The following ZIK1 variants were observed in gnomAD, a reference collection of about 807,000 sequenced individuals.
ZIK1 encodes the protein zinc finger protein interacting with K protein 1, also known as zinc finger protein interacting with ribonucleoprotein K.
Under a neutral mutation model 10.7 loss-of-function variants are expected in ZIK1, and 12 were observed. The ratio of observed to expected loss-of-function variants is 1.12; its 90% CI spans 0.72 to 1.81. ZIK1 has a LOEUF of 1.81. Ranked by LOEUF, ZIK1 falls within the 40% of genes most tolerant of loss-of-function variation. ZIK1 has a pLI of 0.00. For missense variants in ZIK1, 497 were observed against 585.7 expected (o/e 0.85, Z 1.56); for synonymous variants, 190 against 205.0 (o/e 0.93, Z 0.63).
intron 3 of ZIK1, chr19:57,589,333 T>C: frequency 1.0e-6 from 1 of 985,400 alleles, no homozygotes; most frequent in African/African-American, 1.7e-5. Context: ...TCCGATCACA[T>C]AAGGAGCCTG....
chr19:57,584,467 A>C, intron 1 of ZIK1, 78 bp downstream of exon 1: 1 of 1,545,372 alleles, frequency 6.5e-7, no homozygotes, highest in Admixed American at 1.9e-5. Context: ...CGAGATCCTC[A>C]TGTCCAGTAC....
intron 1 of ZIK1, 96 bp downstream of exon 1, chr19:57,584,485 G>A: frequency 3.4e-6 from 5 of 1,469,060 alleles, no homozygotes; most frequent in Non-Finnish European, 4.5e-6. Context: ...TACAGTGGGG[G>A]CTCGTGGGTG....
Position 57,591,256 on chromosome 19 carries a change from A to T in ZIK1, c.1445A>T (p.Gln482Leu). ...CAATGCTCCAGCCTCATACATCACCAAAAATGTCATAACACATAGAGGCCT... is the reference window on the plus strand; with the variant it reads ...CAATGCTCCAGCCTCATACATCACCTAAAATGTCATAACACATAGAGGCCT... ...FSQCSSLIHHQKCHNT is the reference protein window; with the variant it reads ...FSQCSSLIHHLKCHNT Residue 482 changes from glutamine to leucine, a missense_variant, in exon 4 of 4, where the codon CAA (glutamine) becomes CTA (leucine). Physicochemically the swap from Gln to Leu is moderately radical, Grantham distance 113 (BLOSUM62 -2). Transcript: ENST00000597850. 6.2e-7 allele frequency: 1 copy of T among 1,610,208 alleles called. No individual in the cohort carries two copies.
chr19:57,585,059 T>G, intron 2 of ZIK1, 69 bp downstream of exon 2: 1 of 1,508,924 alleles, frequency 6.6e-7, no homozygotes, highest in Non-Finnish European at 9.0e-7. Flanking sequence ...TGGATCTTTT[T>G]GCCACCATCC....
In ZIK1 at chr19:57,590,639, T is replaced by A. The variant is rs762489448; in HGVS notation, c.828T>A (p.Phe276Leu). The A allele has an allele frequency of 4.3e-6, 7 of 1,614,176 alleles. No homozygotes were observed. Among genetic ancestry groups the A allele is most frequent in the Non-Finnish European group, 5.9e-6 (7 of 1,180,026 alleles). ...AGTGCAATGAATGTGGAAAATTCTT[T>A]AGCCAAACCTCCCACCTGAATGATC... ...PWECNECGKF[F>L]SQTSHLNDHR... The change falls in exon 4 of 4, where the codon TTT (phenylalanine) becomes TTA (leucine). Residue 276 changes from phenylalanine to leucine, a missense_variant. Phe to Leu is a conservative substitution (Grantham distance 22). Transcript: ENST00000597850.
At chr19:57,587,116 T>TCA in intron 2 of ZIK1, among the ~76,000 whole-genome samples, 1 of 152,180 alleles carries the variant, frequency 6.6e-6, no homozygotes, top group Non-Finnish European at 1.5e-5. Context: ...GTGAGACTTA[T>TCA]TTACTATCAT....
intron 2 of ZIK1, among the ~76,000 whole-genome samples, chr19:57,586,194 C>T (rs1350334254): frequency 6.6e-6 from 1 of 152,042 alleles, no homozygotes; most frequent in Non-Finnish European, 1.5e-5. Context: ...AGGTGGTGGC[C>T]AGTGTTTGGC....
At position 57,588,618 on chromosome 19, in the gene ZIK1, T is replaced by G. The variant is rs972655762; in HGVS notation, c.152T>G (p.Leu51Arg). Residue 51 changes from leucine (L) to arginine (R), a missense_variant, in exon 3 of 4, where the codon CTG (leucine) becomes CGG (arginine). Physicochemically the swap from Leu to Arg is moderately radical, Grantham distance 102. Transcript: ENST00000597850. ...CTTCTTGATGAGGCTCAGAGACTCC[T>G]GTACCTTGAAGTGATGCTGGAGAAC... ...WGLLDEAQRL[L>R]YLEVMLENFA... 6.3e-7 allele frequency: 1 copy of G among 1,591,812 alleles called. No individual in the cohort carries two copies. The highest frequency in any genetic ancestry group is 2.3e-5 in the East Asian group (1 of 44,010).
At position 57,590,742 on chromosome 19, in the gene ZIK1, G is replaced by C; in HGVS notation, c.931G>C (p.Val311Leu). Residue 311 changes from valine to leucine, a missense_variant, in exon 4 of 4, where the codon GTT becomes CTT. Coordinates refer to ENST00000597850, the MANE Select transcript of ZIK1 (RefSeq NM_001010879.4). ...GKLFRQNSSL[V>L]DHQKIHTGAR... ...ATTATTTAGACAAAACTCCAGCCTTGTTGACCACCAGAAAATACACACTGG... is the reference window on the plus strand; with the variant it reads ...ATTATTTAGACAAAACTCCAGCCTTCTTGACCACCAGAAAATACACACTGG... 1 of 1,613,986 alleles carries C rather than the reference G, an allele frequency of 6.2e-7. No homozygotes were observed. Among genetic ancestry groups the C allele is most frequent in the Non-Finnish European group, 8.5e-7 (1 of 1,179,990 alleles).
In ZIK1 at chr19:57,590,705, C is replaced by T. The variant is rs373850514; in HGVS notation, c.894C>T (p.Ser298=). 1,418 of 1,614,042 alleles carry T rather than the reference C, an allele frequency of 8.8e-4. 24 individuals are homozygous for T. The South Asian group carries it at 0.015, about 17-fold the overall frequency. ...IHTGERPYEC[S]ECGKLFRQNS... ...CCGGAGAAAGGCCTTATGAGTGCAG[C>T]GAATGTGGAAAATTATTTAGACAAA... The change falls in exon 4 of 4, where the codon AGC becomes AGT. Residue 298 remains serine, a synonymous_variant. Coordinates refer to ENST00000597850, the MANE Select transcript of ZIK1 (RefSeq NM_001010879.4).
At position 57,592,782 on chromosome 19, in the gene ZIK1, T is replaced by G. The variant is rs1421726080; in HGVS notation, c.*1507T>G. ...TGTGAAACATGTTTTACAAACTTTC[T>G]TGATGTGTAAGTGACATGCCATAGT... On this transcript the variant is annotated 3_prime_UTR_variant, in exon 4 of 4. Transcript: ENST00000597850. 1 of 152,232 alleles carries G rather than the reference T, an allele frequency of 6.6e-6. No individual in the cohort carries two copies. The highest frequency in any genetic ancestry group is 2.4e-5 in the African/African-American group (1 of 41,456). 9.4% of individuals were successfully genotyped at this position (152,232 alleles called of 1,614,324 possible).
chr19:57,593,510 T>G lies in ZIK1; in HGVS notation c.*2235T>G, dbSNP rs1461570106. On this transcript the variant is annotated 3_prime_UTR_variant, in exon 4 of 4. Coordinates refer to ENST00000597850, the MANE Select transcript of ZIK1 (RefSeq NM_001010879.4). ...GAACATAGGCATATAACTCTTAATATGCAGAAATGCTTTATTTCTCCTGTG... is the reference window on the plus strand; with the variant it reads ...GAACATAGGCATATAACTCTTAATAGGCAGAAATGCTTTATTTCTCCTGTG... 1 of 152,210 alleles carries G rather than the reference T, an allele frequency of 6.6e-6. No homozygotes were observed. Among genetic ancestry groups the G allele is most frequent in the Non-Finnish European group, 1.5e-5 (1 of 68,036 alleles). 9.4% of individuals were successfully genotyped at this position (152,210 alleles called of 1,614,324 possible).
chr19:57,584,608 C>T, intron 1 of ZIK1: 1 of 1,393,868 alleles, frequency 7.2e-7, no homozygotes, highest in Non-Finnish European at 9.3e-7. Flanking sequence ...ACCTGGAGTG[C>T]CAAGGTGAGG....
intron 3 of ZIK1, 150 bp from the exon 4 acceptor site, chr19:57,589,861 G>A: frequency 9.0e-7 from 1 of 1,111,020 alleles, no homozygotes; most frequent in East Asian, 2.6e-5. Flanking sequence ...TAGAGATCCA[G>A]TATTGCAAAG....
At chr19:57,587,278 C>T (rs1979250517) in intron 2 of ZIK1, among the ~76,000 whole-genome samples, 1 of 152,124 alleles carries the variant, frequency 6.6e-6, no homozygotes, top group Admixed American at 6.5e-5. Flanking sequence ...TCAAGGCTTC[C>T]AAGGCATTAG....
In ZIK1 at chr19:57,590,098, C is replaced by T. The variant is rs1979522662; in HGVS notation, c.287C>T (p.Thr96Ile). 1.9e-6 allele frequency: 3 copies of T among 1,614,178 alleles called. No homozygotes were observed. The highest frequency in any genetic ancestry group is 2.5e-6 in the Non-Finnish European group (3 of 1,180,032). Residue 96 changes from threonine (T) to isoleucine (I), a missense_variant, in exon 4 of 4, where the codon ACA (threonine) becomes ATA (isoleucine). Transcript: ENST00000597850. ...TCACAGTCAAAGGCAGGTTCATCCA[C>T]ACAGAAGACTCAATCCTGTGAGATG... Reference protein sequence around the residue: ...GVSQSKAGSSTQKTQSCEMCV... With the variant: ...GVSQSKAGSSIQKTQSCEMCV...
chr19:57,585,079 A>C, intron 2 of ZIK1, 89 bp downstream of exon 2: 1 of 1,268,198 alleles, frequency 7.9e-7, no homozygotes, highest in Admixed American at 2.3e-5. Flanking sequence ...CAGTTCTTTG[A>C]CCTAAGGACT....
intron 1 of ZIK1, 103 bp downstream of exon 1, chr19:57,584,492 G>A (rs1422073333): frequency 1.5e-5 from 22 of 1,453,554 alleles, no homozygotes; most frequent in Non-Finnish European, 1.9e-5. Flanking sequence ...GGGGCTCGTG[G>A]GTGGGGTCCC....
chr19:57,585,198 G>A (rs188490702), intron 2 of ZIK1, among the ~76,000 whole-genome samples: 46 of 152,306 alleles, frequency 3.0e-4, no homozygotes, highest in South Asian at 2.1e-4. Context: ...CCCCGCCTAC[G>A]TACAATAATG....
Sources: allele counts gnomAD v4.1 joint callset (sites outside exome capture counted in the v4.1 genomes callset), GRCh38; gene constraint gnomAD v4.1.1; transcripts MANE v1.5; gene names NCBI Gene and HGNC (gene_info 2026-07-23, HGNC 2026-07-21).